Variants in MORC3 observed in about 807,000 individuals in gnomAD.
The protein encoded by MORC3 is MORC family CW-type zinc finger protein 3.
Under a neutral mutation model 109.1 loss-of-function variants are expected in MORC3, and 31 were observed. The observed-to-expected ratio is 0.28, with a 90% CI of 0.21 to 0.38. The LOEUF (loss-of-function observed/expected upper bound fraction) is 0.38, where lower values mean the gene tolerates loss of function less well. Ranked by LOEUF, MORC3 falls within the 10% of genes least tolerant of loss-of-function variation. The pLI is 1.00. For synonymous variants in MORC3, 395 were observed against 380.7 expected, an observed-to-expected ratio of 1.04 and a Z score of -0.44; for missense variants, 867 against 1,135.8, an observed-to-expected ratio of 0.76 and a Z score of 3.40.
intron 1 of MORC3, among the ~76,000 whole-genome samples, chr21:36,332,189 C>T (rs1440503518): frequency 2.0e-5 from 3 of 151,990 alleles, no homozygotes; most frequent in Non-Finnish European, 4.4e-5. Flanking sequence ...AATCCCAGCA[C>T]TTTGGGAGGC....
In MORC3 at chr21:36,375,314, A is replaced by G. The variant is rs373001534; in HGVS notation, c.*18A>G. On this transcript the variant is annotated 3_prime_UTR_variant, in exon 17 of 17. Coordinates refer to ENST00000400485, the MANE Select transcript of MORC3 (RefSeq NM_015358.3). ...GTACTTAAAGTATATGTTATGTAAG[A>G]TAAAATATTTGCTCAATTCTTTTGG... 406 of 1,588,200 alleles carry G rather than the reference A, an allele frequency of 2.6e-4. 1 individual carries two copies. The highest frequency in any genetic ancestry group is 1.0e-3 in the Middle Eastern group (6 of 6,002).
chr21:36,369,943 T>C, intron 15 of MORC3, 67 bp downstream of exon 15: 1 of 1,549,262 alleles, frequency 6.5e-7, no homozygotes, highest in South Asian at 1.2e-5. Context: ...AAGCTGCCAG[T>C]TGGCTGGGCG....
chr21:36,341,058 G>T (rs965758523), intron 5 of MORC3, among the ~76,000 whole-genome samples: 2 of 152,164 alleles, frequency 1.3e-5, no homozygotes, highest in Non-Finnish European at 2.9e-5. Context: ...GTAAACATTT[G>T]TGTACACAGT....
At chr21:36,355,425 C>T (rs2085634511) in intron 9 of MORC3, among the ~76,000 whole-genome samples, 1 of 152,136 alleles carries the variant, frequency 6.6e-6, no homozygotes, top group South Asian at 2.1e-4. Context: ...TCTATTTGTG[C>T]AACCAAAAGA....
chr21:36,372,614 A>G (rs750594433), intron 16 of MORC3, 83 bp downstream of exon 16: 26 of 1,354,174 alleles, frequency 1.9e-5, no homozygotes, highest in Non-Finnish European at 2.3e-5. Context: ...CCCATCAAAT[A>G]GATACTGTTC....
intron 9 of MORC3, among the ~76,000 whole-genome samples, chr21:36,353,081 G>A (rs117058882): frequency 0.025 from 3,761 of 151,960 alleles, 65 homozygotes; most frequent in Admixed American, 0.046. Flanking sequence ...ATCATAGGCC[G>A]GGCATGGTGG....
intron 1 of MORC3, among the ~76,000 whole-genome samples, chr21:36,324,468 G>A (rs563275947): frequency 1.3e-5 from 2 of 151,516 alleles, no homozygotes; most frequent in South Asian, 4.2e-4. Flanking sequence ...TAGTAGAGAC[G>A]GGGTTTCACC....
rs774033181 is a variant in MORC3, at chr21:36,369,580, T to C, written c.2212T>C (p.Tyr738His). Reference protein sequence around the residue: ...QQRILEMNDKYVKKETCHQST... With the variant: ...QQRILEMNDKHVKKETCHQST... ...GAGGATACTAGAAATGAATGACAAG[T>C]ATGTTAAGAAAGAAACTTGCCATCA... Residue 738 changes from tyrosine (Y) to histidine (H), a missense_variant, in exon 15 of 17, where the codon TAT becomes CAT. Tyr to His is a moderately conservative substitution (Grantham distance 83). Transcript: ENST00000400485. 1 of 1,614,198 alleles carries C rather than the reference T, an allele frequency of 6.2e-7. No homozygotes were observed. The highest frequency in any genetic ancestry group is 1.1e-5 in the South Asian group (1 of 91,084).
chr21:36,337,154 C>G, intron 3 of MORC3, 148 bp downstream of exon 3: 6 of 927,426 alleles, frequency 6.5e-6, no homozygotes, highest in Non-Finnish European at 7.7e-6. Flanking sequence ...TTTTCTACTA[C>G]TGGTAGATGA....
intron 6 of MORC3, among the ~76,000 whole-genome samples, chr21:36,344,038 C>CA (rs2146307876): frequency 6.6e-6 from 1 of 152,148 alleles, no homozygotes; most frequent in Admixed American, 6.5e-5. Flanking sequence ...CTACAAAATA[C>CA]AGTGTTTTTT....
intron 1 of MORC3, among the ~76,000 whole-genome samples, chr21:36,325,638 T>C (rs1049473638): frequency 1.3e-5 from 2 of 152,232 alleles, no homozygotes; most frequent in African/African-American, 4.8e-5. Context: ...ACTATTCTAC[T>C]TTCTGTCTAG....
Position 36,344,540 on chromosome 21 carries a change from A to G in MORC3, c.757-39A>G, listed in dbSNP as rs764822685. 95 of 1,599,474 alleles carry G rather than the reference A, an allele frequency of 5.9e-5. 1 individual carries two copies. ...ATCCATGTCTAAGTAATGGTGAGCAAACCTGTAGATACTAACTTCTTGTTA... is the reference window on the plus strand; with the variant it reads ...ATCCATGTCTAAGTAATGGTGAGCAGACCTGTAGATACTAACTTCTTGTTA... On this transcript the variant is annotated intron_variant, in intron 6 of 16. Transcript: ENST00000400485.
intron 1 of MORC3, among the ~76,000 whole-genome samples, chr21:36,328,906 TAA>T (rs111399017): frequency 1.0e-4 from 14 of 139,164 alleles, no homozygotes; most frequent in Non-Finnish European, 1.1e-4. Flanking sequence ...GCTGATGAGG[TAA>T]AAAAAAAAAA....
At position 36,320,266 on chromosome 21, in the gene MORC3, TGGC is replaced by T. The variant is rs2085174483; in HGVS notation, c.7_9del (p.Ala3?). 6.4e-7 allele frequency: 1 copy of T among 1,562,936 alleles called. No homozygotes were observed. Among genetic ancestry groups the T allele is most frequent in the Admixed American group, 1.8e-5 (1 of 54,062 alleles). On this transcript the variant is annotated start_lost and inframe_deletion, in exon 1 of 17. Transcript: ENST00000400485. ...TCCTGGCTTTGTAGCTCGCTCAAGA[TGGC>T]GGCGCAGCCACCCCGCGGGATACGC...
chr21:36,326,562 T>A (rs888295175), intron 1 of MORC3, among the ~76,000 whole-genome samples: 22 of 152,122 alleles, frequency 1.4e-4, no homozygotes, highest in African/African-American at 4.8e-4. Flanking sequence ...CTGTGCCTTA[T>A]TTATAAGTTG....
intron 14 of MORC3, among the ~76,000 whole-genome samples, chr21:36,367,880 C>T (rs776488678): frequency 2.6e-5 from 4 of 152,100 alleles, no homozygotes; most frequent in Non-Finnish European, 5.9e-5. Flanking sequence ...ATTTTTCAAC[C>T]CGGAAGCCTA....
chr21:36,342,271 A>G (rs1048013845), intron 6 of MORC3, among the ~76,000 whole-genome samples: 1 of 152,228 alleles, frequency 6.6e-6, no homozygotes, highest in Non-Finnish European at 1.5e-5. Flanking sequence ...AACGTATTCT[A>G]GAATACATAC....
chr21:36,337,635 C>T (rs2085388754), intron 3 of MORC3, 97 bp from the exon 4 acceptor site: 7 of 848,208 alleles, frequency 8.3e-6, no homozygotes, highest in Non-Finnish European at 1.2e-5. Context: ...CTTGGTATTA[C>T]AATTAATGAA....
At chr21:36,328,642 A>G (rs924912168) in intron 1 of MORC3, among the ~76,000 whole-genome samples, 13 of 151,836 alleles carry the variant, frequency 8.6e-5, no homozygotes, top group Non-Finnish European at 1.2e-4. Context: ...CGCCTGGCCA[A>G]TTTTTTGTAT....
Sources: allele counts gnomAD v4.1 joint callset (sites outside exome capture counted in the v4.1 genomes callset), GRCh38; gene constraint gnomAD v4.1.1; transcripts MANE v1.5; gene names NCBI Gene and HGNC (gene_info 2026-07-23, HGNC 2026-07-21).